The following SYNDIG1 variants were observed in gnomAD, a reference collection of about 807,000 sequenced individuals.
SYNDIG1 encodes synapse differentiation-inducing gene protein 1.
Under a neutral mutation model 19.4 loss-of-function variants are expected in SYNDIG1, and 9 were observed. The observed-to-expected ratio is 0.46, with a 90% CI of 0.28 to 0.81. The LOEUF (loss-of-function observed/expected upper bound fraction) is 0.81. SYNDIG1 is among the 30% of genes least tolerant of loss of function. SYNDIG1 has a pLI of 0.12. For synonymous variants in SYNDIG1, 141 were observed against 145.9 expected, an observed-to-expected ratio of 0.97 and a Z score of 0.24; for missense variants, 311 against 343.3, an observed-to-expected ratio of 0.91 and a Z score of 0.74.
Position 24,631,828 on chromosome 20 carries a change from A to G in SYNDIG1, c.619-33518A>G, listed in dbSNP as rs77679665. Among the ~76,000 whole-genome samples, 920 of 152,330 alleles carry G rather than the reference A, an allele frequency of 6.0e-3. 10 individuals are homozygous for G. The highest frequency in any genetic ancestry group is 0.02 in the East Asian group (105 of 5,190). On this transcript the variant is annotated intron_variant, in intron 3 of 3. Transcript: ENST00000376862. ...TGTGAAGCTAGCTTTATTTTCAAAGAGTTGTAATAAAATAAGCTTCTGTGG... is the reference window on the plus strand; with the variant it reads ...TGTGAAGCTAGCTTTATTTTCAAAGGGTTGTAATAAAATAAGCTTCTGTGG...
chr20:24,489,340 GCA>G (rs754563942), intron 1 of SYNDIG1, among the ~76,000 whole-genome samples: 34 of 148,150 alleles, frequency 2.3e-4, no homozygotes, highest in South Asian at 1.7e-3. Context: ...ATAGATTCAT[GCA>G]CACACACACA....
In SYNDIG1 at chr20:24,543,269, G is replaced by C. The variant is rs1181965012; in HGVS notation, c.172G>C (p.Val58Leu). ...YQSHRVGAST[V>L]PASLDSSRSE... ...GAGCCACCGGGTGGGGGCCAGCACA[G>C]TGCCGGCCAGCCTGGACAGCAGCAG... Residue 58 changes from valine to leucine, a missense_variant, in exon 2 of 4, where the codon GTG becomes CTG. Val to Leu is a conservative substitution (Grantham distance 32, BLOSUM62 1). Coordinates refer to ENST00000376862, the MANE Select transcript of SYNDIG1 (RefSeq NM_024893.3). 1 of 1,613,700 alleles carries C rather than the reference G, an allele frequency of 6.2e-7. No homozygotes were observed. The highest frequency in any genetic ancestry group is 1.1e-5 in the South Asian group (1 of 91,078).
chr20:24,613,288 G>T (rs77130453), intron 3 of SYNDIG1, among the ~76,000 whole-genome samples: 29,393 of 152,182 alleles, frequency 0.19, 3,772 homozygotes, highest in Admixed American at 0.35. Flanking sequence ...CAGCTGCTGT[G>T]TGTGCTGTAT....
At chr20:24,606,406 A>T (rs770301776) in intron 3 of SYNDIG1, among the ~76,000 whole-genome samples, 1 of 152,196 alleles carries the variant, frequency 6.6e-6, no homozygotes, top group Non-Finnish European at 1.5e-5. Context: ...ATTCTAATAG[A>T]TATCTAGCAG....
At chr20:24,643,562 C>G (rs1276841104) in intron 3 of SYNDIG1, among the ~76,000 whole-genome samples, 2 of 152,240 alleles carry the variant, frequency 1.3e-5, no homozygotes, top group Admixed American at 1.3e-4. Flanking sequence ...AGTCTCCACT[C>G]GTTTCCAGGG....
intron 1 of SYNDIG1, among the ~76,000 whole-genome samples, chr20:24,493,211 A>G (rs2056203614): frequency 6.6e-6 from 1 of 152,254 alleles, no homozygotes; most frequent in African/African-American, 2.4e-5. Context: ...TTATAATCCA[A>G]GTAATGTGAA....
At chr20:24,636,337 G>T (rs1310075133) in intron 3 of SYNDIG1, among the ~76,000 whole-genome samples, 1 of 152,194 alleles carries the variant, frequency 6.6e-6, no homozygotes, top group Non-Finnish European at 1.5e-5. Context: ...GTATTTAAGA[G>T]TGGAGGTTTA....
chr20:24,518,567 A>G (rs1017320855), intron 1 of SYNDIG1, among the ~76,000 whole-genome samples: 5 of 152,216 alleles, frequency 3.3e-5, no homozygotes, highest in Non-Finnish European at 7.3e-5. Flanking sequence ...TCAGAAAAGT[A>G]TTTTTGTACA....
intron 1 of SYNDIG1, among the ~76,000 whole-genome samples, chr20:24,475,756 C>T (rs1253257921): frequency 1.3e-5 from 2 of 152,144 alleles, no homozygotes; most frequent in East Asian, 1.9e-4. Flanking sequence ...TGCCTGTGTA[C>T]GATTCTGGCT....
intron 2 of SYNDIG1, among the ~76,000 whole-genome samples, chr20:24,562,328 C>T (rs181483606): frequency 2.4e-4 from 37 of 152,286 alleles, no homozygotes; most frequent in African/African-American, 7.5e-4. Flanking sequence ...CCATTGAGGG[C>T]ATGCCAAATA....
chr20:24,658,273 C>T lies in SYNDIG1; in HGVS notation c.619-7073C>T, dbSNP rs1365716287. On this transcript the variant is annotated intron_variant, in intron 3 of 3. Coordinates refer to ENST00000376862, the MANE Select transcript of SYNDIG1 (RefSeq NM_024893.3). This position sits in a 1 kb window ranked among gnomAD's most constrained non-coding sequence, Gnocchi z 4.4. ...CTGGCCTGTCTGAGACAGCCCAGAG[C>T]CCAGCACTTCAGACATCTCCAGGGT... Among the ~76,000 whole-genome samples the T allele has an allele frequency of 6.6e-6, 1 of 152,052 alleles. No homozygotes were observed. The highest frequency in any genetic ancestry group is 1.5e-5 in the Non-Finnish European group (1 of 67,976).
chr20:24,559,210 G>A (rs567855969), intron 2 of SYNDIG1, among the ~76,000 whole-genome samples: 1 of 152,294 alleles, frequency 6.6e-6, no homozygotes. Context: ...TGGAACTGGA[G>A]GCTGTTATCT....
intron 3 of SYNDIG1, among the ~76,000 whole-genome samples, chr20:24,610,042 C>T (rs1287338195): frequency 1.3e-5 from 2 of 152,138 alleles, no homozygotes; most frequent in Non-Finnish European, 2.9e-5. Flanking sequence ...GCTTCCAGGC[C>T]ATCCTGGAAA....
At chr20:24,624,704 T>G (rs1220104860) in intron 3 of SYNDIG1, among the ~76,000 whole-genome samples, 2 of 152,228 alleles carry the variant, frequency 1.3e-5, no homozygotes, top group Non-Finnish European at 1.5e-5. Context: ...CTTGACCTTA[T>G]TAACATTAAA....
intron 1 of SYNDIG1, among the ~76,000 whole-genome samples, chr20:24,501,101 C>T (rs1308638840): frequency 6.6e-6 from 1 of 152,196 alleles, no homozygotes; most frequent in Non-Finnish European, 1.5e-5. Context: ...ACCTATCTAT[C>T]TACTTATCTA....
At chr20:24,497,901 G>A (rs1947145224) in intron 1 of SYNDIG1, among the ~76,000 whole-genome samples, 1 of 152,230 alleles carries the variant, frequency 6.6e-6, no homozygotes, top group African/African-American at 2.4e-5. Context: ...CAATGGCTAA[G>A]TGCTGACAGT....
At chr20:24,597,760 G>C (rs1472774220) in intron 3 of SYNDIG1, among the ~76,000 whole-genome samples, 2 of 152,182 alleles carry the variant, frequency 1.3e-5, no homozygotes, top group Non-Finnish European at 1.5e-5. Flanking sequence ...GGCAACATCT[G>C]ATATTTCTCC....
intron 3 of SYNDIG1, among the ~76,000 whole-genome samples, chr20:24,597,468 G>A (rs1011651526): frequency 6.6e-6 from 1 of 152,110 alleles, no homozygotes; most frequent in African/African-American, 2.4e-5. Context: ...AAGGCTGGGA[G>A]GGGGCTGCAT....
At chr20:24,543,710 C>T (rs79968880) in intron 2 of SYNDIG1, 133 bp downstream of exon 2, 3 of 1,250,014 alleles carry the variant, frequency 2.4e-6, no homozygotes, top group East Asian at 4.7e-5. Context: ...CAAAGGCAGT[C>T]TTGGTGCCCT....
Sources: gnomAD v4.1 joint callset for allele counts (sites outside exome capture counted in the v4.1 genomes callset) on GRCh38, gnomAD v4.1.1 for gene constraint, Gnocchi (gnomAD v3.1) non-coding constraint, MANE v1.5 for transcripts, NCBI Gene and HGNC (gene_info 2026-07-23, HGNC 2026-07-21) for gene names.